TRMT2B: variants seen among roughly 807,000 people sequenced by gnomAD.
TRMT2B encodes tRNA (uracil-5-)-methyltransferase homolog B.
TRMT2B carries 34 observed loss-of-function variants against 39.7 expected under a neutral mutation model. That is an observed-to-expected ratio of 0.86 (90% CI 0.65 to 1.14). The LOEUF (loss-of-function observed/expected upper bound fraction) is 1.14, where lower values mean the gene tolerates loss of function less well. Among genes scored for constraint, TRMT2B ranks in the 50% most tolerant of loss-of-function variants. The probability of loss-of-function intolerance (pLI) is 0.00; values close to 1 mark genes in which losing one functional copy is unlikely to be tolerated. For missense variants in TRMT2B, 318 were observed against 377.2 expected, an observed-to-expected ratio of 0.84 and a Z score of 1.30; for synonymous variants, 132 against 137.3, an observed-to-expected ratio of 0.96 and a Z score of 0.27.
the TRMT2B span, among the ~76,000 whole-genome samples, chrX:100,983,506 G>A: frequency 5.5e-5 from 6 of 109,935 alleles, no homozygotes; most frequent in Non-Finnish European, 9.5e-5. Context: ...ACAGGTGCCC[G>A]CCACCACGCC....
intron 7 of TRMT2B, among the ~76,000 whole-genome samples, chrX:101,029,076 C>A (rs374220879): frequency 9.0e-6 from 1 of 111,716 alleles, no homozygotes; most frequent in African/African-American, 3.3e-5. Context: ...AAGCCAAAGT[C>A]ACTACCATTA....
At chrX:100,991,663 C>T in the TRMT2B span, among the ~76,000 whole-genome samples, 399 of 112,029 alleles carry the variant, frequency 3.6e-3, 3 homozygotes, top group African/African-American at 0.012. Flanking sequence ...CATGAGCCAC[C>T]GCGCCCGGCC....
chrX:101,018,198 C>A (rs1191796713), intron 13 of TRMT2B, among the ~76,000 whole-genome samples: 1 of 110,692 alleles, frequency 9.0e-6, no homozygotes, highest in Non-Finnish European at 1.9e-5. Flanking sequence ...AAAAATTAGC[C>A]AGGTGTGGTG....
At chrX:101,030,996 G>A (rs1806896296) in intron 7 of TRMT2B, among the ~76,000 whole-genome samples, 1 of 108,050 alleles carries the variant, frequency 9.3e-6, no homozygotes, top group African/African-American at 3.4e-5. Flanking sequence ...TTTTGACACA[G>A]GGTCTTGCTC....
rs2089107953 is a variant in TRMT2B at position 101,051,675 on chromosome X, G to T, written c.-448C>A. 1.3e-6 allele frequency: 1 copy of T among 753,934 alleles called. No individual in the cohort carries two copies. The highest frequency in any genetic ancestry group is 2.3e-5 in the African/African-American group (1 of 43,620). 62.1% of individuals were successfully genotyped at this position (753,934 alleles called of 1,213,427 possible). Reference sequence around the variant, plus strand: ...CAGTCACCGTCGGGTCCCGTCTCCAGCCCCGCCTGCCTCCTCCATTCCCCG... The same window carrying T: ...CAGTCACCGTCGGGTCCCGTCTCCATCCCCGCCTGCCTCCTCCATTCCCCG... On this transcript the variant is annotated 5_prime_UTR_variant, in exon 2 of 14. The change creates a new upstream start codon in the 5' untranslated region. Coordinates refer to ENST00000372936, the MANE Select transcript of TRMT2B (RefSeq NM_024917.6).
At chrX:101,040,308 AAG>A (rs1227963224) in intron 4 of TRMT2B, among the ~76,000 whole-genome samples, 2 of 102,330 alleles carry the variant, frequency 2.0e-5, no homozygotes, top group African/African-American at 7.3e-5. Context: ...AAAAAAAAAA[AAG>A]AATTGCAGCT....
chrX:100,991,610 G>A, the TRMT2B span, among the ~76,000 whole-genome samples: 592 of 111,502 alleles, frequency 5.3e-3, 6 homozygotes, highest in African/African-American at 0.018. Context: ...TCCTGACCTC[G>A]TGATCCGCCC....
At chrX:101,046,541 TTCTC>T (rs2088681854) in intron 2 of TRMT2B, among the ~76,000 whole-genome samples, 1 of 112,168 alleles carries the variant, frequency 8.9e-6, no homozygotes, top group Non-Finnish European at 1.9e-5. Context: ...AAGTTAATCA[TTCTC>T]TCTGACATTC....
intron 4 of TRMT2B, among the ~76,000 whole-genome samples, chrX:101,038,371 CAAA>C (rs57481304): frequency 8.5e-5 from 3 of 35,207 alleles, no homozygotes; most frequent in Non-Finnish European, 1.6e-4. Context: ...AACTCCGTCT[CAAA>C]AAAAAAAAAA....
chrX:100,995,310 C>T, the TRMT2B span, among the ~76,000 whole-genome samples: 2 of 112,223 alleles, frequency 1.8e-5, no homozygotes, highest in Non-Finnish European at 3.8e-5. Context: ...CTGATCTGTA[C>T]CTTATTCCTT....
At chrX:101,045,171 G>C (rs2088560701) in intron 2 of TRMT2B, among the ~76,000 whole-genome samples, 1 of 109,332 alleles carries the variant, frequency 9.1e-6, no homozygotes, top group Non-Finnish European at 1.9e-5. Flanking sequence ...AATAAAAAAG[G>C]GGGCTGGGCG....
rs1569469589 is a variant in TRMT2B at position 101,010,574 on chromosome X, A to G, written c.*7T>C. 8.3e-7 allele frequency: 1 copy of G among 1,211,003 alleles called. No individual in the cohort carries two copies. On this transcript the variant is annotated 3_prime_UTR_variant, in exon 14 of 14. Transcript: ENST00000372936. The stretch of plus-strand genomic sequence containing the variant: ...AACAAATAGCCTGCTGTCTTCTAGG[A>G]GGCTGCTTATCGAGTAAAGAGGAGC...
At position 101,021,176 on chromosome X, in the gene TRMT2B, T is replaced by C; in HGVS notation, c.991A>G (p.Met331Val). 1 of 1,211,230 alleles carries C rather than the reference T, an allele frequency of 8.3e-7. No individual in the cohort carries two copies. Among genetic ancestry groups the C allele is most frequent in the Non-Finnish European group, 1.1e-6 (1 of 895,235 alleles). ...FFQINTAGAE[M>V]LYRTVGELTG... ...AGCTCCCCCACAGTCCGATACAGCA[T>C]CTCTGCACCAGCTGTGTTAATCTGG... Residue 331 changes from methionine to valine, a missense_variant, in exon 10 of 14, where the codon ATG becomes GTG. Transcript: ENST00000372936.
chrX:101,027,300 C>T (rs1193826119), intron 7 of TRMT2B, among the ~76,000 whole-genome samples: 2 of 109,000 alleles, frequency 1.8e-5, no homozygotes, highest in Non-Finnish European at 3.8e-5. Flanking sequence ...GGCGCGATCT[C>T]GGTTCACTGC....
chrX:101,043,245 A>C (rs1384612731), intron 2 of TRMT2B, among the ~76,000 whole-genome samples: 3 of 106,093 alleles, frequency 2.8e-5, no homozygotes, highest in Non-Finnish European at 5.8e-5. Context: ...CAGCGTGGGC[A>C]ACAGAAGCAG....
intron 11 of TRMT2B, 106 bp from the exon 12 acceptor site, chrX:101,019,509 G>T: frequency 1.0e-6 from 1 of 979,338 alleles, no homozygotes; most frequent in Non-Finnish European, 1.4e-6. Flanking sequence ...CTTCCCTTTG[G>T]ATCTAGCATC....
chrX:101,020,448 T>G (rs2086739321), intron 11 of TRMT2B, 39 bp downstream of exon 11: 1 of 1,081,627 alleles, frequency 9.2e-7, no homozygotes, highest in African/African-American at 1.8e-5. Flanking sequence ...CAGAAACAAC[T>G]GCATCCCTTA....
the TRMT2B span, among the ~76,000 whole-genome samples, chrX:100,996,389 T>C: frequency 8.9e-6 from 1 of 112,109 alleles, no homozygotes; most frequent in East Asian, 2.8e-4. Context: ...AACAATCATT[T>C]ATTGTATATT....
chrX:100,990,671 C>A, the TRMT2B span: 1 of 976,607 alleles, frequency 1.0e-6, no homozygotes, highest in Non-Finnish European at 1.4e-6. Flanking sequence ...CATCTTTGTA[C>A]CGAGATGCTG....
Sources: allele counts gnomAD v4.1 joint callset (sites outside exome capture counted in the v4.1 genomes callset), GRCh38; gene constraint gnomAD v4.1.1; transcripts MANE v1.5; gene names NCBI Gene and HGNC (gene_info 2026-07-23, HGNC 2026-07-21).